Variants in SH3BP2 observed in about 807,000 individuals in gnomAD.
SH3BP2 encodes the protein SH3 domain binding protein 2, also known as SH3 domain-binding protein 2.
In SH3BP2, 38 loss-of-function variants were observed where a neutral mutation model predicts 56.2. The ratio of observed to expected loss-of-function variants is 0.68; its 90% CI spans 0.52 to 0.89. The LOEUF (loss-of-function observed/expected upper bound fraction) is 0.89, where lower values mean the gene tolerates loss of function less well. SH3BP2 is among the 40% of genes least tolerant of loss of function. SH3BP2 has a pLI of 0.00. For missense variants in SH3BP2, 748 were observed against 762.6 expected (o/e 0.98, Z 0.23); for synonymous variants, 346 against 316.7 (o/e 1.09, Z -0.98).
chr4:2,823,270 G>T, intron 3 of SH3BP2: 1 of 590,320 alleles, frequency 1.7e-6, no homozygotes, highest in South Asian at 1.6e-5. Context: ...CTGTGGCTTT[G>T]TGCACAAGTC....
At chr4:2,821,707 A>AT (rs1028223353) in intron 2 of SH3BP2, among the ~76,000 whole-genome samples, 4 of 151,492 alleles carry the variant, frequency 2.6e-5, no homozygotes, top group South Asian at 2.1e-4. Flanking sequence ...TGCCCTGTTA[A>AT]TTTTTTTTTA....
intron 12 of SH3BP2, 194 bp from the exon 13 acceptor site, chr4:2,833,503 G>A (rs1017774624): frequency 1.5e-6 from 1 of 680,072 alleles, no homozygotes; most frequent in Admixed American, 2.2e-5. Flanking sequence ...GGAGGACGGA[G>A]GGGAAGTGAG....
In SH3BP2 at chr4:2,840,584, C is replaced by T. The variant is rs1463332013; in HGVS notation, c.*6750C>T. On this transcript the variant is annotated 3_prime_UTR_variant, in exon 13 of 13. Coordinates refer to ENST00000503393, the MANE Select transcript of SH3BP2 (RefSeq NM_001122681.2). ...TGTTCTTGTGCCAATATCAAGCTGTCTTCATTATTATCAATTATGTATTGA... is the reference window on the plus strand; with the variant it reads ...TGTTCTTGTGCCAATATCAAGCTGTTTTCATTATTATCAATTATGTATTGA... 1 of 152,168 alleles carries T rather than the reference C, an allele frequency of 6.6e-6. No homozygotes were observed. Among genetic ancestry groups the T allele is most frequent in the Non-Finnish European group, 1.5e-5 (1 of 68,036 alleles). The allele number at this position is 152,168 out of a possible 1,614,324, so 9.4% of individuals were successfully genotyped here.
At chr4:2,802,571 T>C (rs1303986515) in intron 1 of SH3BP2, among the ~76,000 whole-genome samples, 1 of 128,584 alleles carries the variant, frequency 7.8e-6, no homozygotes, top group Non-Finnish European at 1.6e-5. Flanking sequence ...TATGTATATA[T>C]GTGTATATGT....
At chr4:2,823,166 C>T in intron 3 of SH3BP2, 129 bp downstream of exon 3, 1 of 722,376 alleles carries the variant, frequency 1.4e-6, no homozygotes, top group Non-Finnish European at 2.5e-6. Context: ...CCTTCGTGCC[C>T]ATCCCCTGTC....
In SH3BP2 at chr4:2,822,951, C is replaced by T. The variant is rs753833169; in HGVS notation, c.153C>T (p.Val51=). 5.6e-6 allele frequency: 9 copies of T among 1,614,042 alleles called. No individual in the cohort carries two copies. The South Asian group carries it at 9.9e-5, about 18-fold the overall frequency. Residue 51 remains valine, a synonymous_variant, in exon 3 of 13, where the codon GTC becomes GTT. Transcript: ENST00000503393. ...CTCCCACAGGGCCCCTGCGCTTTGTCATCATCCACAAACGCTGCGTCTACT... is the reference window on the plus strand; with the variant it reads ...CTCCCACAGGGCCCCTGCGCTTTGTTATCATCCACAAACGCTGCGTCTACT... ...LQLLKWPLRF[V]IIHKRCVYYF...
chr4:2,804,906 G>A (rs1244234707), intron 1 of SH3BP2, among the ~76,000 whole-genome samples: 2 of 152,252 alleles, frequency 1.3e-5, no homozygotes, highest in East Asian at 1.9e-4. Flanking sequence ...CAGCCTCGAG[G>A]TCCTAATCGG....
At position 2,833,700 on chromosome 4, in the gene SH3BP2, T is replaced by C; in HGVS notation, c.1552T>C (p.Ser518Pro). The change falls in exon 13 of 13, where the codon TCT becomes CCT. Residue 518 changes from serine (S) to proline (P), a missense_variant. Physicochemically the swap from Ser to Pro is moderately conservative, Grantham distance 74. Coordinates refer to ENST00000503393, the MANE Select transcript of SH3BP2 (RefSeq NM_001122681.2). ...VRNYRIFEKD[S>P]KFYLEGEVLF... ...TCCCCCTTCTCTTCCCCCACAGGAC[T>C]CTAAGTTCTACCTGGAGGGCGAGGT... 6.2e-7 allele frequency: 1 copy of C among 1,610,538 alleles called. No individual in the cohort carries two copies. The highest frequency in any genetic ancestry group is 8.5e-7 in the Non-Finnish European group (1 of 1,178,524).
At chr4:2,805,643 C>T (rs1723504107) in intron 1 of SH3BP2, among the ~76,000 whole-genome samples, 1 of 152,098 alleles carries the variant, frequency 6.6e-6, no homozygotes, top group African/African-American at 2.4e-5. Context: ...GGCAGATAGC[C>T]AACAGACATG....
chr4:2,827,141 G>T (rs761207895), intron 5 of SH3BP2, 89 bp from the exon 6 acceptor site: 1 of 961,976 alleles, frequency 1.0e-6, no homozygotes, highest in East Asian at 2.4e-5. Flanking sequence ...CCATGTATCC[G>T]CGTGTGCCTG....
chr4:2,832,669 G>A (rs189766101), intron 11 of SH3BP2, among the ~76,000 whole-genome samples: 8 of 152,310 alleles, frequency 5.3e-5, no homozygotes, highest in Non-Finnish European at 7.4e-5. Context: ...CTGGGGTGGC[G>A]GAGGCCACAT....
At chr4:2,833,375 G>A in intron 12 of SH3BP2, 1 of 571,920 alleles carries the variant, frequency 1.7e-6, no homozygotes, top group Non-Finnish European at 3.1e-6. Context: ...TGGGGCTCAA[G>A]CAATCCTCCC....
intron 1 of SH3BP2, among the ~76,000 whole-genome samples, chr4:2,819,550 C>T (rs1724188437): frequency 6.6e-6 from 1 of 152,216 alleles, no homozygotes. Context: ...TAACAGGACA[C>T]TGGCCACAGG....
rs192075272 is a variant in SH3BP2, at chr4:2,822,790, A to C, written c.137-145A>C. On this transcript the variant is annotated intron_variant, in intron 2 of 12. Transcript: ENST00000503393. ...AGTGGGCTCCTGGGGAGGGGGCAGC[A>C]TGCCAGCCTTGCTCCCTGCTCTTCC... 4.9e-5 allele frequency: 34 copies of C among 693,632 alleles called. No homozygotes were observed. The East Asian group carries it at 6.6e-4, about 13-fold the overall frequency. 43.0% of individuals were successfully genotyped at this position (693,632 alleles called of 1,614,324 possible).
At chr4:2,803,858 G>A (rs1051501864) in intron 1 of SH3BP2, among the ~76,000 whole-genome samples, 1 of 152,208 alleles carries the variant, frequency 6.6e-6, no homozygotes, top group Non-Finnish European at 1.5e-5. Context: ...GATGTCACAA[G>A]GATGTGAGTC....
In SH3BP2 at chr4:2,837,453, A is replaced by C. The variant is rs1725273768; in HGVS notation, c.*3619A>C. 6.6e-6 allele frequency: 1 copy of C among 152,342 alleles called. No individual in the cohort carries two copies. The highest frequency in any genetic ancestry group is 2.4e-5 in the African/African-American group (1 of 41,470). The allele number at this position is 152,342 out of a possible 1,614,324, so 9.4% of individuals were successfully genotyped here. ...CCCAGGGAGGTGCTTCCTGCACCTC[A>C]GGATGGGCGAGGGTGGGCATTGGGG... is the stretch of plus-strand genomic sequence containing the variant. On this transcript the variant is annotated 3_prime_UTR_variant, in exon 13 of 13. Transcript: ENST00000503393.
intron 1 of SH3BP2, among the ~76,000 whole-genome samples, chr4:2,802,075 T>A (rs1430170238): frequency 1.3e-5 from 2 of 151,860 alleles, no homozygotes; most frequent in African/African-American, 2.4e-5. Context: ...GCCACTGCAC[T>A]CCAGCCTGGG....
At chr4:2,832,005 G>A (rs756830935) in intron 10 of SH3BP2, 27 bp downstream of exon 10, 3 of 1,609,734 alleles carry the variant, frequency 1.9e-6, no homozygotes, top group Non-Finnish European at 2.5e-6. Flanking sequence ...GTGTGTGCTG[G>A]GTCCTCCGCC....
At chr4:2,832,093 C>A in intron 10 of SH3BP2, 115 bp downstream of exon 10, 1 of 1,168,970 alleles carries the variant, frequency 8.6e-7, no homozygotes, top group South Asian at 1.3e-5. Flanking sequence ...CATGGCCCTG[C>A]GTGCAGCAGA....
Sources: gnomAD v4.1 joint callset for allele counts (sites outside exome capture counted in the v4.1 genomes callset) on GRCh38, gnomAD v4.1.1 for gene constraint, MANE v1.5 for transcripts, NCBI Gene and HGNC (gene_info 2026-07-23, HGNC 2026-07-21) for gene names.